Variants in NDUFS7 observed in about 807,000 individuals in gnomAD.
NDUFS7 encodes the protein NADH:ubiquinone oxidoreductase core subunit S7.
NDUFS7 carries 11 observed loss-of-function variants against 31.1 expected under a neutral mutation model. The observed-to-expected ratio is 0.35, with a 90% CI of 0.22 to 0.59. NDUFS7 has a LOEUF of 0.59. Among genes scored for constraint, NDUFS7 ranks in the 20% least tolerant of loss-of-function variants. The pLI, the probability that NDUFS7 is intolerant of heterozygous loss-of-function variation, is 0.79. For missense variants in NDUFS7, 263 were observed against 324.2 expected, an observed-to-expected ratio of 0.81 and a Z score of 1.45; for synonymous variants, 136 against 127.9, an observed-to-expected ratio of 1.06 and a Z score of -0.43.
intron 7 of NDUFS7, chr19:1,394,716 C>T: frequency 8.3e-7 from 1 of 1,199,482 alleles, no homozygotes; most frequent in Admixed American, 3.4e-5. Context: ...TTCTCCCTCC[C>T]TTGGAGCAGC....
intron 3 of NDUFS7, 50 bp from the exon 4 acceptor site, chr19:1,388,783 G>A (rs1276217370): frequency 6.5e-7 from 1 of 1,543,122 alleles, no homozygotes; most frequent in Non-Finnish European, 8.8e-7. Context: ...CCGCCTCTGG[G>A]AAGCACCTGC....
chr19:1,394,648 G>T, intron 7 of NDUFS7: 3 of 1,226,426 alleles, frequency 2.4e-6, no homozygotes, highest in Non-Finnish European at 3.1e-6. Context: ...CCTCCCTGGG[G>T]ACCTCGCTCC....
chr19:1,385,609 G>A (rs551253607), intron 1 of NDUFS7, among the ~76,000 whole-genome samples: 3 of 151,762 alleles, frequency 2.0e-5, no homozygotes, highest in South Asian at 2.1e-4. Context: ...CCCTGAGTTC[G>A]GGAGTTCAAG....
rs1384619769 is a variant in NDUFS7 at position 1,390,511 on chromosome 19, A to T, written c.229-360A>T. On this transcript the variant is annotated intron_variant, in intron 4 of 7. Coordinates refer to ENST00000233627, the MANE Select transcript of NDUFS7 (RefSeq NM_024407.5). ...TTGGTATGTGGACCCAGATCTAGTT[A>T]ACGCAGAGAGTTCCCGGTTAGACCT... 2.0e-5 allele frequency: 8 copies of T among 391,768 alleles called. No homozygotes were observed. In the Admixed American group the frequency reaches 2.8e-4, roughly 14 times the overall value. The allele number at this position is 391,768 out of a possible 1,614,324, so 24.3% of individuals were successfully genotyped here.
chr19:1,389,207 TTGCACACA>T, intron 4 of NDUFS7: 3 of 681,118 alleles, frequency 4.4e-6, no homozygotes, highest in Non-Finnish European at 8.0e-6. Flanking sequence ...GCACACACGC[TTGCACACA>T]TACACACATG....
At chr19:1,389,169 G>GCA (rs746494254) in intron 4 of NDUFS7, 3 of 693,666 alleles carry the variant, frequency 4.3e-6, no homozygotes, top group Non-Finnish European at 5.2e-6. Context: ...ATGCACACTT[G>GCA]CACACACATG....
rs778657532 is a variant in NDUFS7 at position 1,393,344 on chromosome 19, C to T, written c.544+14C>T. 17 of 1,558,300 alleles carry T rather than the reference C, an allele frequency of 1.1e-5. No individual in the cohort carries two copies. The highest frequency in any genetic ancestry group is 4.8e-5 in the East Asian group (2 of 42,032). ...TCTACATCCCAGGTAGGGCCGGGAC[C>T]GCACCGCCCACGAGGGAGCTGGAGA... On this transcript the variant is annotated intron_variant, in intron 7 of 7. Coordinates refer to ENST00000233627, the MANE Select transcript of NDUFS7 (RefSeq NM_024407.5). This position sits in a 1 kb window ranked among gnomAD's most constrained non-coding sequence, Gnocchi z 7.3.
chr19:1,391,476 A>G (rs890385190), intron 6 of NDUFS7, among the ~76,000 whole-genome samples: 12 of 137,382 alleles, frequency 8.7e-5, no homozygotes, highest in Admixed American at 7.2e-4. Context: ...ACTTGCCATT[A>G]GTTTTTTTTC....
chr19:1,394,001 T>C (rs2082575227), intron 7 of NDUFS7: 1 of 250,872 alleles, frequency 4.0e-6, no homozygotes, highest in African/African-American at 2.2e-5. Flanking sequence ...TTGACAGTGG[T>C]CCACGGTAGG....
chr19:1,390,968 T>C lies in NDUFS7; in HGVS notation c.326T>C (p.Val109Ala). 6.2e-7 allele frequency: 1 copy of C among 1,612,888 alleles called. No homozygotes were observed. The highest frequency in any genetic ancestry group is 1.1e-5 in the South Asian group (1 of 91,074). Reference sequence around the variant, plus strand: ...TACGACATGGACCGCTTTGGCGTGGTCTTCCGCGCCAGCCCGCGCCAGTCC... The same window carrying C: ...TACGACATGGACCGCTTTGGCGTGGCCTTCCGCGCCAGCCCGCGCCAGTCC... ...PRYDMDRFGV[V>A]FRASPRQSDV... The change falls in exon 5 of 8, where the codon GTC (valine) becomes GCC (alanine). Residue 109 changes from valine (V) to alanine (A), a missense_variant. Val to Ala is a moderately conservative substitution (Grantham distance 64). Coordinates refer to ENST00000233627, the MANE Select transcript of NDUFS7 (RefSeq NM_024407.5).
intron 1 of NDUFS7, 113 bp downstream of exon 1, chr19:1,384,055 C>T: frequency 8.4e-7 from 1 of 1,188,640 alleles, no homozygotes; most frequent in Non-Finnish European, 1.1e-6. Context: ...GCGGTCCTCT[C>T]CGGGCTTCTC....
At chr19:1,389,257 A>G (rs2082535638) in intron 4 of NDUFS7, 1 of 640,164 alleles carries the variant, frequency 1.6e-6, no homozygotes, top group South Asian at 1.5e-5. Context: ...TCATGCGCAC[A>G]TATACACATG....
intron 1 of NDUFS7, 105 bp from the exon 2 acceptor site, chr19:1,387,706 T>A (rs2082516802): frequency 9.7e-7 from 1 of 1,029,198 alleles, no homozygotes; most frequent in Non-Finnish European, 1.5e-6. Context: ...CGAGTTGGGA[T>A]CAGAGCTAGG....
chr19:1,388,854 G>A lies in NDUFS7; in HGVS notation c.144G>A (p.Lys48=), dbSNP rs565395922. Residue 48 remains lysine (K), a synonymous_variant, in exon 4 of 8, where the codon AAG becomes AAA. Coordinates refer to ENST00000233627, the MANE Select transcript of NDUFS7 (RefSeq NM_024407.5). ...CCAGCACCCAGCCTGCCCTGCCAAA[G>A]GCCAGAGCCGTGGCTCCCAAACCCA... The part of the protein sequence containing the change: ...GPSSTQPALP[K]ARAVAPKPSS... 2 of 1,604,644 alleles carry A rather than the reference G, an allele frequency of 1.2e-6. No individual in the cohort carries two copies. Among genetic ancestry groups the A allele is most frequent in the South Asian group, 1.1e-5 (1 of 89,230 alleles).
intron 7 of NDUFS7, chr19:1,394,428 T>C (rs2082578401): frequency 7.8e-7 from 1 of 1,278,804 alleles, no homozygotes; most frequent in African/African-American, 1.6e-5. Flanking sequence ...ACTGAGCTCC[T>C]CCCTCCCTGG....
intron 2 of NDUFS7, chr19:1,388,080 GC>G: frequency 1.6e-6 from 1 of 627,836 alleles, no homozygotes; most frequent in Non-Finnish European, 2.9e-6. Flanking sequence ...TGTGGGCCCG[GC>G]TCAGTGCCGT....
intron 7 of NDUFS7, chr19:1,394,316 T>C: frequency 3.9e-6 from 5 of 1,268,428 alleles, no homozygotes; most frequent in Non-Finnish European, 5.2e-6. Context: ...GAGAGGTCCA[T>C]CCTGGGGTCA....
rs984253520 is a variant in NDUFS7 at position 1,389,823 on chromosome 19, C to T, written c.228+885C>T. The stretch of plus-strand genomic sequence containing the variant: ...GTTTTTTGTTTCCTAAACAATGCCA[C>T]GGCGAACGTCCTGCCAGGGCCGCAG... On this transcript the variant is annotated intron_variant, in intron 4 of 7. Transcript: ENST00000233627. 6.0e-5 allele frequency: 19 copies of T among 315,278 alleles called. 1 individual carries two copies. The highest frequency in any genetic ancestry group is 1.1e-4 in the South Asian group (4 of 36,866). 19.5% of individuals were successfully genotyped at this position (315,278 alleles called of 1,614,324 possible).
Position 1,393,371 on chromosome 19 carries a change from A to G in NDUFS7, c.544+41A>G, listed in dbSNP as rs986256527. On this transcript the variant is annotated intron_variant, in intron 7 of 7. Transcript: ENST00000233627. This position sits in a 1 kb window ranked among gnomAD's most constrained non-coding sequence, Gnocchi z 7.3. Reference sequence around the variant, plus strand: ...CACCGCCCACGAGGGAGCTGGAGACAGGGCCAGCGCCACACGGAGCCCGGC... The same window carrying G: ...CACCGCCCACGAGGGAGCTGGAGACGGGGCCAGCGCCACACGGAGCCCGGC... 3.3e-6 allele frequency: 5 copies of G among 1,514,512 alleles called. No individual in the cohort carries two copies. The African/African-American group carries it at 4.1e-5, about 13-fold the overall frequency. The allele number at this position is 1,514,512 out of a possible 1,614,324, so 93.8% of individuals were successfully genotyped here. A position where few individuals can be genotyped will look rare whatever the true frequency, so the allele number is the denominator to read the frequency against.
Sources: allele counts gnomAD v4.1 joint callset (sites outside exome capture counted in the v4.1 genomes callset), GRCh38; gene constraint gnomAD v4.1.1; non-coding constraint Gnocchi (gnomAD v3.1); transcripts MANE v1.5; gene names NCBI Gene and HGNC (gene_info 2026-07-23, HGNC 2026-07-21).